The following PM20D2 variants were observed in gnomAD, a reference collection of about 807,000 sequenced individuals.
PM20D2 encodes the protein peptidase M20 domain containing 2.
A neutral mutation model predicts 42.9 loss-of-function variants in PM20D2; 33 were observed. That is an observed-to-expected ratio of 0.77 (90% CI 0.58 to 1.03). The LOEUF (loss-of-function observed/expected upper bound fraction) is 1.03. Among genes scored for constraint, PM20D2 ranks in the 50% least tolerant of loss-of-function variants. PM20D2 has a pLI of 0.00. For synonymous variants in PM20D2, 250 were observed against 228.2 expected (o/e 1.10, Z -0.86); for missense variants, 548 against 557.0 (o/e 0.98, Z 0.16).
At chr6:89,118,979 G>A in the PM20D2 span, among the ~76,000 whole-genome samples, 1 of 152,186 alleles carries the variant, frequency 6.6e-6, no homozygotes, top group Non-Finnish European at 1.5e-5. Flanking sequence ...TGTTATTCAG[G>A]GCTGGGAGTG....
chr6:89,158,239 C>A, intron 4 of PM20D2, 86 bp from the exon 5 acceptor site: 2 of 1,213,020 alleles, frequency 1.6e-6, no homozygotes, highest in Non-Finnish European at 1.2e-6. Flanking sequence ...AAAACCTCTT[C>A]CTATTAGAGA....
At chr6:89,138,212 C>A in the PM20D2 span, among the ~76,000 whole-genome samples, 1 of 152,028 alleles carries the variant, frequency 6.6e-6, no homozygotes, top group East Asian at 1.9e-4. Context: ...GGCATGAGAC[C>A]ATGCACCCAG....
In PM20D2 at chr6:89,153,148, G is replaced by A. The variant is rs1194983128; in HGVS notation, c.720G>A (p.Val240=). 3 of 1,608,618 alleles carry A rather than the reference G, an allele frequency of 1.9e-6. No individual in the cohort carries two copies. The highest frequency in any genetic ancestry group is 2.7e-5 in the African/African-American group (2 of 74,720). ...TGCTGGCCTATAACAATCTGTCTGT[G>A]TTCAGACAGCAAATGAAACCAACCT... is the stretch of plus-strand genomic sequence containing the variant. ...AAVLAYNNLS[V]FRQQMKPTWR... Residue 240 remains valine, a synonymous_variant, in exon 3 of 7, where the codon GTG becomes GTA. Transcript: ENST00000275072.
chr6:89,119,510 C>G, the PM20D2 span, among the ~76,000 whole-genome samples: 3 of 152,180 alleles, frequency 2.0e-5, no homozygotes, highest in Non-Finnish European at 4.4e-5. Flanking sequence ...GGCTGGAGAG[C>G]AGGCTGGATT....
At chr6:89,095,043 C>T in the PM20D2 span, among the ~76,000 whole-genome samples, 2 of 152,084 alleles carry the variant, frequency 1.3e-5, no homozygotes, top group African/African-American at 4.8e-5. Flanking sequence ...AATGCACACA[C>T]AGTAGTTTGG....
At chr6:89,099,247 T>A in the PM20D2 span, among the ~76,000 whole-genome samples, 1 of 151,520 alleles carries the variant, frequency 6.6e-6, no homozygotes, top group Non-Finnish European at 1.5e-5. Context: ...GGTACAAAAA[T>A]CTGAAGAAAA....
At chr6:89,115,599 C>G in the PM20D2 span, among the ~76,000 whole-genome samples, 1 of 147,446 alleles carries the variant, frequency 6.8e-6, no homozygotes, top group South Asian at 2.2e-4. Context: ...TTACAGCTTT[C>G]AAATCTACAA....
chr6:89,097,221 T>C, the PM20D2 span: 2 of 152,190 alleles, frequency 1.3e-5, no homozygotes, highest in Non-Finnish European at 2.9e-5. Context: ...AAATACTAAC[T>C]GTATGGATTG....
the PM20D2 span, chr6:89,097,265 A>G: frequency 3.9e-5 from 6 of 152,200 alleles, no homozygotes; most frequent in Non-Finnish European, 8.8e-5. Flanking sequence ...TAAGTCACAA[A>G]GTATACAAGT....
the PM20D2 span, among the ~76,000 whole-genome samples, chr6:89,131,090 C>T: frequency 6.6e-6 from 1 of 151,838 alleles, no homozygotes; most frequent in Admixed American, 6.6e-5. Context: ...TCTGCAGAGT[C>T]CCAAGGTGGT....
At chr6:89,133,570 C>T in the PM20D2 span, among the ~76,000 whole-genome samples, 1 of 150,990 alleles carries the variant, frequency 6.6e-6, no homozygotes, top group Non-Finnish European at 1.5e-5. Flanking sequence ...TATTTCTCAT[C>T]CTCCCTTGCC....
chr6:89,125,174 A>G, the PM20D2 span, among the ~76,000 whole-genome samples: 13 of 152,048 alleles, frequency 8.5e-5, no homozygotes, highest in Admixed American at 2.0e-4. Flanking sequence ...TGTGTGATAT[A>G]TTTTCTCTTT....
chr6:89,101,007 A>G, the PM20D2 span, among the ~76,000 whole-genome samples: 1 of 151,754 alleles, frequency 6.6e-6, no homozygotes, highest in Non-Finnish European at 1.5e-5. Context: ...TAGGAGGCTG[A>G]GGCAAGAGAA....
rs371546837 is a variant in PM20D2 at position 89,162,167 on chromosome 6, A to G, written c.1215A>G (p.Ala405=). ...CGGCCAAAGCTCTGGCAATGACGGC[A>G]CTGGATGTTATTTTTAAACCAGAGT... The part of the protein sequence containing the change: ...LRTAKALAMT[A]LDVIFKPELL... Residue 405 remains alanine, a synonymous_variant, in exon 7 of 7, where the codon GCA becomes GCG. Transcript: ENST00000275072. 6.8e-6 allele frequency: 11 copies of G among 1,614,050 alleles called. No individual in the cohort carries two copies. In the African/African-American group the frequency reaches 1.3e-4, roughly 20 times the overall value.
chr6:89,101,707 T>A, the PM20D2 span, among the ~76,000 whole-genome samples: 4,691 of 146,862 alleles, frequency 0.032, 241 homozygotes, highest in African/African-American at 0.11. Context: ...CAAAAAAAAA[T>A]AAAAATAAAA....
the PM20D2 span, among the ~76,000 whole-genome samples, chr6:89,138,770 T>C: frequency 1.3e-5 from 2 of 151,994 alleles, no homozygotes; most frequent in Non-Finnish European, 2.9e-5. Flanking sequence ...GTGGCTGAGG[T>C]GGGAGAATTG....
the PM20D2 span, among the ~76,000 whole-genome samples, chr6:89,135,145 T>C: frequency 2.0e-5 from 3 of 151,128 alleles, no homozygotes; most frequent in Non-Finnish European, 4.4e-5. Flanking sequence ...AAAATGGTCA[T>C]TTAAAATCTT....
At chr6:89,117,579 G>GC in the PM20D2 span, among the ~76,000 whole-genome samples, 4 of 152,182 alleles carry the variant, frequency 2.6e-5, no homozygotes, top group Non-Finnish European at 5.9e-5. Flanking sequence ...AAAGCGACGC[G>GC]GGCCCGGGAC....
At chr6:89,129,309 C>G in the PM20D2 span, among the ~76,000 whole-genome samples, 1 of 151,988 alleles carries the variant, frequency 6.6e-6, no homozygotes, top group Non-Finnish European at 1.5e-5. Flanking sequence ...AGGGGTGGAC[C>G]AACATGCATG....
Sources: gnomAD v4.1 joint callset for allele counts (sites outside exome capture counted in the v4.1 genomes callset) on GRCh38, gnomAD v4.1.1 for gene constraint, MANE v1.5 for transcripts, NCBI Gene and HGNC (gene_info 2026-07-23, HGNC 2026-07-21) for gene names.